Variants in DOCK2 observed in about 807,000 individuals in gnomAD.
DOCK2 encodes the protein dedicator of cytokinesis 2.
Under a neutral mutation model 248.9 loss-of-function variants are expected in DOCK2, and 87 were observed. The ratio of observed to expected loss-of-function variants is 0.35; its 90% CI spans 0.29 to 0.42. DOCK2 has a LOEUF of 0.42. Among genes scored for constraint, DOCK2 ranks in the 10% least tolerant of loss-of-function variants. DOCK2 has a pLI of 1.00. For synonymous variants in DOCK2, 805 were observed against 821.6 expected, an observed-to-expected ratio of 0.98 and a Z score of 0.35; for missense variants, 1,747 against 2,300.2, an observed-to-expected ratio of 0.76 and a Z score of 4.92.
chr5:170,055,470 C>A, intron 42 of DOCK2, 84 bp downstream of exon 42: 1 of 1,267,522 alleles, frequency 7.9e-7, no homozygotes, highest in Admixed American at 1.7e-5. Flanking sequence ...AGAACAGACC[C>A]CAGTGTCTTT....
intron 27 of DOCK2, among the ~76,000 whole-genome samples, chr5:169,898,784 T>C (rs1773759150): frequency 6.6e-6 from 1 of 152,170 alleles, no homozygotes; most frequent in Non-Finnish European, 1.5e-5. Flanking sequence ...ACAAGCATAG[T>C]GATATTCCAA....
At chr5:169,833,783 T>A (rs927567408) in intron 26 of DOCK2, among the ~76,000 whole-genome samples, 1 of 152,212 alleles carries the variant, frequency 6.6e-6, no homozygotes, top group Non-Finnish European at 1.5e-5. Context: ...CCTAGCGCAC[T>A]GGTGGCCAGG....
At chr5:169,902,185 C>A (rs1307664103) in intron 27 of DOCK2, among the ~76,000 whole-genome samples, 1 of 152,168 alleles carries the variant, frequency 6.6e-6, no homozygotes, top group African/African-American at 2.4e-5. Flanking sequence ...GGGGAATAAC[C>A]AGTTAGTCTA....
At chr5:169,775,034 G>A (rs1264402909) in intron 25 of DOCK2, among the ~76,000 whole-genome samples, 2 of 152,060 alleles carry the variant, frequency 1.3e-5, no homozygotes, top group African/African-American at 4.8e-5. Context: ...TCAGCCCCCG[G>A]AGTAGCTGGG....
chr5:169,944,859 C>G (rs540970604), intron 27 of DOCK2, among the ~76,000 whole-genome samples: 2 of 152,308 alleles, frequency 1.3e-5, no homozygotes, highest in Admixed American at 6.5e-5. Context: ...CTTGTGGGCT[C>G]CAGTTGCTCA....
intron 1 of DOCK2, among the ~76,000 whole-genome samples, chr5:169,650,287 A>G (rs1757730438): frequency 6.6e-6 from 1 of 152,156 alleles, no homozygotes; most frequent in Non-Finnish European, 1.5e-5. Flanking sequence ...TGTGCTCTAA[A>G]TATTTACCAT....
At chr5:169,692,515 T>G (rs1206490797) in intron 9 of DOCK2, among the ~76,000 whole-genome samples, 2 of 142,440 alleles carry the variant, frequency 1.4e-5, no homozygotes, top group African/African-American at 5.3e-5. Context: ...AGTGTGGAGG[T>G]GTGTGTGTGG....
Position 169,840,861 on chromosome 5 carries a change from A to T in DOCK2, c.2799+9A>T, listed in dbSNP as rs779280911. ...GGGATCACATTCTGATTGTGAGTGG[A>T]TTATTTCTTCTTGTCAAATGTTGCA... On this transcript the variant is annotated intron_variant, in intron 27 of 51. Transcript: ENST00000520908. 2.5e-6 allele frequency: 4 copies of T among 1,613,134 alleles called. No individual in the cohort carries two copies. The South Asian group carries it at 4.4e-5, about 18-fold the overall frequency.
At chr5:169,842,413 A>G (rs1304529861) in intron 27 of DOCK2, among the ~76,000 whole-genome samples, 1 of 152,104 alleles carries the variant, frequency 6.6e-6, no homozygotes, top group Non-Finnish European at 1.5e-5. Context: ...GCTGGAGTAC[A>G]GTGGTGTGAT....
chr5:169,644,769 G>T (rs1227933323), intron 1 of DOCK2, among the ~76,000 whole-genome samples: 2 of 151,826 alleles, frequency 1.3e-5, no homozygotes, highest in East Asian at 1.9e-4. Context: ...TTAGCTATTT[G>T]TCCTAATGCT....
intron 34 of DOCK2, among the ~76,000 whole-genome samples, chr5:170,032,771 C>T (rs777933476): frequency 2.0e-5 from 3 of 152,174 alleles, no homozygotes; most frequent in East Asian, 1.9e-4. Flanking sequence ...CAGTTTGAGA[C>T]GTCGCCTTCT....
chr5:169,883,534 A>G lies in DOCK2; in HGVS notation c.2799+42682A>G, dbSNP rs1380427122. On this transcript the variant is annotated intron_variant, in intron 27 of 51. Coordinates refer to ENST00000520908, the MANE Select transcript of DOCK2 (RefSeq NM_004946.3). ...ACTTTGGGAGGCTGTTGGCATTTCC[A>G]CCAGGGACTTACTGGCTGTGAGTCT... 1.9e-6 allele frequency: 3 copies of G among 1,551,476 alleles called. No individual in the cohort carries two copies. In the African/African-American group the frequency reaches 4.1e-5, roughly 21 times the overall value.
intron 2 of DOCK2, among the ~76,000 whole-genome samples, chr5:169,663,536 C>T (rs112624140): frequency 0.016 from 2,464 of 152,348 alleles, 41 homozygotes; most frequent in Non-Finnish European, 0.023. Context: ...GACATCCAGG[C>T]ATTTCCATAC....
chr5:169,764,201 C>A lies in DOCK2; in HGVS notation c.2554+2576C>A, dbSNP rs1764641686. Reference sequence around the variant, plus strand: ...CTTTGAGCCTGCACTCATTTAACTGCCAGATGTGCAAATTGCCTGGAGTAT... The same window carrying A: ...CTTTGAGCCTGCACTCATTTAACTGACAGATGTGCAAATTGCCTGGAGTAT... On this transcript the variant is annotated intron_variant, in intron 25 of 51. Coordinates refer to ENST00000520908, the MANE Select transcript of DOCK2 (RefSeq NM_004946.3). This position sits in a 1 kb window ranked among gnomAD's most constrained non-coding sequence, Gnocchi z 4.3. 6.6e-6 allele frequency among the ~76,000 whole-genome samples: 1 copy of A among 152,162 alleles called. No homozygotes were observed. The highest frequency in any genetic ancestry group is 2.1e-4 in the South Asian group (1 of 4,828).
intron 26 of DOCK2, among the ~76,000 whole-genome samples, chr5:169,806,738 G>A (rs990525545): frequency 2.6e-5 from 4 of 151,908 alleles, no homozygotes; most frequent in Admixed American, 6.6e-5. Context: ...CAAACAAATC[G>A]GCAGTCCCCA....
chr5:169,688,014 TC>T (rs1311315129), intron 8 of DOCK2, among the ~76,000 whole-genome samples: 1 of 152,186 alleles, frequency 6.6e-6, no homozygotes, highest in Non-Finnish European at 1.5e-5. Context: ...AACCTCCACC[TC>T]CCGGGTTCAA....
Position 169,923,974 on chromosome 5 carries a change from G to A in DOCK2, c.2800-59094G>A, listed in dbSNP as rs191333880. ...TAGAAACATTGCGGTTGGCAAAATG[G>A]AGCTGGATTAATAACGTTTATCATT... On this transcript the variant is annotated intron_variant, in intron 27 of 51. Transcript: ENST00000520908. 1.2e-4 allele frequency among the ~76,000 whole-genome samples: 18 copies of A among 152,334 alleles called. No individual in the cohort carries two copies. The East Asian group carries it at 3.5e-3, about 29-fold the overall frequency.
intron 15 of DOCK2, among the ~76,000 whole-genome samples, chr5:169,709,353 A>G (rs774702448): frequency 1.1e-4 from 17 of 152,134 alleles, no homozygotes; most frequent in Non-Finnish European, 2.2e-4. Context: ...GGTCCTTCTC[A>G]TATGGCATCT....
intron 27 of DOCK2, among the ~76,000 whole-genome samples, chr5:169,935,930 TAC>T (rs1356023206): frequency 6.6e-6 from 1 of 152,214 alleles, no homozygotes; most frequent in Admixed American, 6.5e-5. Flanking sequence ...CTCAAATGGT[TAC>T]AGTTTCCTGT....
Sources: allele counts gnomAD v4.1 joint callset (sites outside exome capture counted in the v4.1 genomes callset), GRCh38; gene constraint gnomAD v4.1.1; non-coding constraint Gnocchi (gnomAD v3.1); transcripts MANE v1.5; gene names NCBI Gene and HGNC (gene_info 2026-07-23, HGNC 2026-07-21).